FLT1: variants seen among roughly 807,000 people sequenced by gnomAD.
The protein encoded by FLT1 is vascular endothelial growth factor receptor 1.
In FLT1, 49 loss-of-function variants were observed where a neutral mutation model predicts 156.3. The ratio of observed to expected loss-of-function variants is 0.31; its 90% confidence interval spans 0.25 to 0.40. The LOEUF is 0.40. Among genes scored for constraint, FLT1 ranks in the 10% least tolerant of loss-of-function variants. FLT1 has a pLI of 1.00. For synonymous variants in FLT1, 594 were observed against 583.8 expected (o/e 1.02, Z -0.25); for missense variants, 1,322 against 1,637.2 (o/e 0.81, Z 3.32).
intron 27 of FLT1, among the ~76,000 whole-genome samples, chr13:28,311,285 A>G (rs968100598): frequency 1.3e-5 from 2 of 152,182 alleles, no homozygotes; most frequent in African/African-American, 2.4e-5. Context: ...AATGTATACT[A>G]AAGTATTTAG....
chr13:28,420,011 T>C (rs1487991335), intron 10 of FLT1, among the ~76,000 whole-genome samples: 1 of 152,246 alleles, frequency 6.6e-6, no homozygotes, highest in Non-Finnish European at 1.5e-5. Context: ...TTATTCATCA[T>C]ATTCACTGTA....
At chr13:28,472,597 C>G (rs1404653555) in intron 1 of FLT1, among the ~76,000 whole-genome samples, 1 of 152,226 alleles carries the variant, frequency 6.6e-6, no homozygotes, top group African/African-American at 2.4e-5. Flanking sequence ...CCTTGGCACC[C>G]CTTATTCTGT....
At chr13:28,377,398 A>G (rs1259308535) in intron 14 of FLT1, among the ~76,000 whole-genome samples, 1 of 152,230 alleles carries the variant, frequency 6.6e-6, no homozygotes, top group African/African-American at 2.4e-5. Flanking sequence ...CCAATGTATT[A>G]AAGATATTTT....
At chr13:28,368,721 T>TG in intron 14 of FLT1, 1 of 704,390 alleles carries the variant, frequency 1.4e-6, no homozygotes, top group Non-Finnish European at 2.5e-6. Context: ...TTTTTTTTTT[T>TG]GAGACAGAGT....
At chr13:28,419,810 C>T (rs1329655805) in intron 10 of FLT1, among the ~76,000 whole-genome samples, 31 of 152,124 alleles carry the variant, frequency 2.0e-4, no homozygotes, top group Admixed American at 2.0e-3. Context: ...ACCCAGGAGG[C>T]GGAGGTTGCA....
At chr13:28,345,268 T>A (rs1177719262) in intron 16 of FLT1, among the ~76,000 whole-genome samples, 177 bp downstream of exon 16, 2 of 152,164 alleles carry the variant, frequency 1.3e-5, no homozygotes, top group African/African-American at 4.8e-5. Context: ...ACACCCCCCC[T>A]TGTGGCTAGA....
rs55690155 is a variant in FLT1, at chr13:28,348,832, G to A, written c.2249-3281C>T. On this transcript the variant is annotated intron_variant, in intron 15 of 29. Transcript: ENST00000282397. ...GCTGAGGCAGGGGAATTGCTTGAAC[G>A]CGGGAGGCGGAGGTTGCAGTGAGCC... 8.4e-3 allele frequency among the ~76,000 whole-genome samples: 1,276 copies of A among 152,124 alleles called. 21 individuals are homozygous for A. Among genetic ancestry groups the A allele is most frequent in the African/African-American group, 0.029 (1,217 of 41,488 alleles).
At chr13:28,460,797 TACACAC>T (rs369507550) in intron 3 of FLT1, among the ~76,000 whole-genome samples, 9,802 of 145,964 alleles carry the variant, frequency 0.067, 347 homozygotes, top group South Asian at 0.12. Flanking sequence ...TCAGACCCAT[TACACAC>T]ACACACACAC....
chr13:28,383,066 G>T (rs1175022024), intron 14 of FLT1, among the ~76,000 whole-genome samples: 1 of 152,098 alleles, frequency 6.6e-6, no homozygotes, highest in African/African-American at 2.4e-5. Flanking sequence ...AATAAAATAT[G>T]AATATCAATT....
At chr13:28,486,812 C>T (rs1881194693) in intron 1 of FLT1, among the ~76,000 whole-genome samples, 1 of 152,204 alleles carries the variant, frequency 6.6e-6, no homozygotes, top group Admixed American at 6.5e-5. Flanking sequence ...TCCACCTTGT[C>T]GTATGTCTAG....
chr13:28,485,450 T>TTTTA (rs142644753), intron 1 of FLT1, among the ~76,000 whole-genome samples: 1,623 of 152,178 alleles, frequency 0.011, 26 homozygotes, highest in African/African-American at 0.035. Context: ...CTGTTTTATT[T>TTTTA]TTTATTTATT....
chr13:28,322,670 T>C lies in FLT1; in HGVS notation c.2953+120A>G, dbSNP rs1262237453. On this transcript the variant is annotated intron_variant, in intron 21 of 29. Coordinates refer to ENST00000282397, the MANE Select transcript of FLT1 (RefSeq NM_002019.4). This position sits in a 1 kb window ranked among gnomAD's most constrained non-coding sequence, Gnocchi z 4.3. ...ATTCAAATCTTATCTCCTCAGGACATTACCATTCGAGTCTCCCACGGATGT... is the reference window on the plus strand; with the variant it reads ...ATTCAAATCTTATCTCCTCAGGACACTACCATTCGAGTCTCCCACGGATGT... The C allele has an allele frequency of 2.2e-6, 2 of 908,298 alleles. No individual in the cohort carries two copies. Among genetic ancestry groups the C allele is most frequent in the Admixed American group, 1.7e-5 (1 of 58,272 alleles). 56.3% of individuals were successfully genotyped at this position (908,298 alleles called of 1,614,324 possible). A position where few individuals can be genotyped will look rare whatever the true frequency, so the allele number is the denominator to read the frequency against.
Position 28,397,067 on chromosome 13 carries a change from A to G in FLT1, c.1553T>C (p.Met518Thr), listed in dbSNP as rs1195864683. 3.7e-6 allele frequency: 6 copies of G among 1,602,862 alleles called. No homozygotes were observed. Among genetic ancestry groups the G allele is most frequent in the Non-Finnish European group, 5.1e-6 (6 of 1,169,968 alleles). ...GTCAGCCACAACCAAGGTGCTAGCC[A>G]TCTGCAAAAGAAAAGGAAACTTTAG... Reference protein sequence around the residue: ...RMAIIEGKNKMASTLVVADSR... With the variant: ...RMAIIEGKNKTASTLVVADSR... Residue 518 changes from methionine to threonine, a missense_variant and splice_region_variant, in exon 12 of 30, where the codon ATG becomes ACG. By Grantham distance (81) the Met-to-Thr change is moderately conservative. Transcript: ENST00000282397.
intron 28 of FLT1, 150 bp from the exon 29 acceptor site, chr13:28,306,922 G>A (rs1870775912): frequency 3.0e-6 from 2 of 676,008 alleles, no homozygotes; most frequent in Non-Finnish European, 2.7e-6. Context: ...ATTTCTCTAA[G>A]TTGGCCACTA....
chr13:28,412,869 C>T (rs1279263440), intron 10 of FLT1, among the ~76,000 whole-genome samples: 1 of 151,550 alleles, frequency 6.6e-6, no homozygotes, highest in Non-Finnish European at 1.5e-5. Context: ...GCCACGTTCT[C>T]TTAAAACAGA....
chr13:28,320,253 A>G (rs952609175), intron 23 of FLT1, among the ~76,000 whole-genome samples: 1 of 152,160 alleles, frequency 6.6e-6, no homozygotes, highest in African/African-American at 2.4e-5. Flanking sequence ...GACTAACATG[A>G]AGGTTGGTGC....
chr13:28,480,167 G>C (rs1880757483), intron 1 of FLT1, among the ~76,000 whole-genome samples: 1 of 152,098 alleles, frequency 6.6e-6, no homozygotes, highest in Non-Finnish European at 1.5e-5. Flanking sequence ...CTCTTTTACT[G>C]CCACCAATCC....
Position 28,322,165 on chromosome 13 carries a change from A to G in FLT1, c.3051+97T>C. 2 of 822,728 alleles carry G rather than the reference A, an allele frequency of 2.4e-6. No homozygotes were observed. The highest frequency in any genetic ancestry group is 4.3e-6 in the Non-Finnish European group (2 of 469,818). 51.0% of individuals were successfully genotyped at this position (822,728 alleles called of 1,614,324 possible). ...CAGTGGTGTTTGTTCTACATTTAAG[A>G]ACATAGGTATCAGCAAATACTAGGA... is the stretch of plus-strand genomic sequence containing the variant. On this transcript the variant is annotated intron_variant, in intron 22 of 29. Transcript: ENST00000282397. The surrounding 1 kb of genome is among the most constrained non-coding windows in gnomAD (Gnocchi z 4.3).
chr13:28,494,814 C>T lies in FLT1; in HGVS notation c.30G>A (p.Leu10=), dbSNP rs2137684124. The change falls in exon 1 of 30, where the codon CTG becomes CTA. Residue 10 remains leucine (L), a synonymous_variant. Transcript: ENST00000282397. ...GCAGACAGCTGAGCAGCGCGCACAGCAGGACCCCGGTGTCCCAGTAGCTGA... is the reference window on the plus strand; with the variant it reads ...GCAGACAGCTGAGCAGCGCGCACAGTAGGACCCCGGTGTCCCAGTAGCTGA... MVSYWDTGV[L]LCALLSCLLL... is the part of the protein sequence containing the mutation. 1 of 1,574,328 alleles carries T rather than the reference C, an allele frequency of 6.4e-7. No homozygotes were observed. Among genetic ancestry groups the T allele is most frequent in the Admixed American group, 1.8e-5 (1 of 56,614 alleles).
Sources: gnomAD v4.1 joint callset for allele counts (sites outside exome capture counted in the v4.1 genomes callset) on GRCh38, gnomAD v4.1.1 for gene constraint, Gnocchi (gnomAD v3.1) non-coding constraint, MANE v1.5 for transcripts, NCBI Gene and HGNC (gene_info 2026-07-23, HGNC 2026-07-21) for gene names.